The following GAREM1 variants were observed in gnomAD, a reference collection of about 807,000 sequenced individuals.
The protein encoded by GAREM1 is GRB2-associated and regulator of MAPK protein 1.
A neutral mutation model predicts 71.3 loss-of-function variants in GAREM1; 26 were observed. That is an observed-to-expected ratio of 0.36 (90% CI 0.27 to 0.51). The LOEUF (loss-of-function observed/expected upper bound fraction) is 0.51, where lower values mean the gene tolerates loss of function less well. Among genes scored for constraint, GAREM1 ranks in the 20% least tolerant of loss-of-function variants. GAREM1 has a pLI of 0.95. For missense variants in GAREM1, 1,026 were observed against 1,103.1 expected (o/e 0.93, Z 0.99); for synonymous variants, 440 against 433.2 (o/e 1.02, Z -0.20).
At chr18:32,295,712 T>G (rs1432834209) in intron 3 of GAREM1, among the ~76,000 whole-genome samples, 1 of 152,218 alleles carries the variant, frequency 6.6e-6, no homozygotes, top group South Asian at 2.1e-4. Context: ...TTGTTTCCAA[T>G]AGTGAAGTGA....
chr18:32,332,749 G>C lies in GAREM1; in HGVS notation c.263-22426C>G, dbSNP rs572842609. 5.9e-5 allele frequency among the ~76,000 whole-genome samples: 9 copies of C among 152,322 alleles called. No individual in the cohort carries two copies. The East Asian group carries it at 1.7e-3, about 29-fold the overall frequency. On this transcript the variant is annotated intron_variant, in intron 2 of 5. Transcript: ENST00000269209. ...CGGGATTAAACGTAGTAAACCTAGA[G>C]AAGAGTTCAGTGCAGTGCTTGGCAC...
At chr18:32,295,329 T>C (rs1406153507) in intron 3 of GAREM1, among the ~76,000 whole-genome samples, 1 of 152,170 alleles carries the variant, frequency 6.6e-6, no homozygotes, top group African/African-American at 2.4e-5. Context: ...CTCCACATGA[T>C]CATAGTACAC....
chr18:32,318,663 C>A (rs1567962760), intron 2 of GAREM1, among the ~76,000 whole-genome samples: 1 of 152,180 alleles, frequency 6.6e-6, no homozygotes, highest in Non-Finnish European at 1.5e-5. Flanking sequence ...TGGCAGTCAG[C>A]ATGACCTGCG....
At chr18:32,351,723 C>T (rs1438389166) in intron 2 of GAREM1, among the ~76,000 whole-genome samples, 1 of 149,182 alleles carries the variant, frequency 6.7e-6, no homozygotes, top group Non-Finnish European at 1.5e-5. Context: ...TTTACTTACA[C>T]AGACAGAACA....
At chr18:32,320,501 A>G (rs1273946799) in intron 2 of GAREM1, among the ~76,000 whole-genome samples, 1 of 152,202 alleles carries the variant, frequency 6.6e-6, no homozygotes, top group South Asian at 2.1e-4. Flanking sequence ...GGGGTAAGGA[A>G]CAAGTCTCAA....
In GAREM1 at chr18:32,288,080, G is replaced by T. The variant is rs925385479; in HGVS notation, c.517C>A (p.Arg173=). 6.2e-7 allele frequency: 1 copy of T among 1,614,118 alleles called. No individual in the cohort carries two copies. The highest frequency in any genetic ancestry group is 1.3e-5 in the African/African-American group (1 of 75,028). Reference sequence around the variant, plus strand: ...ATCTTTTTGAAGATTGTGTTGAGTCGTGACTTTTCCTTGAATGTCTTTGCA... The same window carrying T: ...ATCTTTTTGAAGATTGTGTTGAGTCTTGACTTTTCCTTGAATGTCTTTGCA... ...LYAKTFKEKS[R]LNTIFKKIGK... The change falls in exon 4 of 6, where the codon CGA becomes AGA. Residue 173 remains arginine (R), a synonymous_variant. Transcript: ENST00000269209.
chr18:32,355,734 G>A (rs1274751249), intron 2 of GAREM1, among the ~76,000 whole-genome samples: 1 of 152,046 alleles, frequency 6.6e-6, no homozygotes, highest in African/African-American at 2.4e-5. Context: ...GTTGACAGGT[G>A]AAAAACATTC....
chr18:32,302,470 T>G (rs962519304), intron 3 of GAREM1, among the ~76,000 whole-genome samples: 6 of 152,198 alleles, frequency 3.9e-5, no homozygotes, highest in Admixed American at 6.5e-5. Flanking sequence ...ATATGATGTT[T>G]TCTCCAATTA....
At chr18:32,463,178 T>C (rs545918603) in intron 1 of GAREM1, among the ~76,000 whole-genome samples, 1 of 152,182 alleles carries the variant, frequency 6.6e-6, no homozygotes, top group Non-Finnish European at 1.5e-5. Flanking sequence ...AAATGCCACA[T>C]TGTACTCCAT....
At chr18:32,457,226 A>AGAGAGTGTGTGTGTGTGT (rs1555648709) in intron 1 of GAREM1, among the ~76,000 whole-genome samples, 1 of 81,926 alleles carries the variant, frequency 1.2e-5, no homozygotes, top group African/African-American at 4.2e-5. Context: ...AGAGAGAGAG[A>AGAGAGTGTGTGTGTGTGT]GTGTGTGTGT....
In GAREM1 at chr18:32,348,214, C is replaced by T. The variant is rs577692261; in HGVS notation, c.263-37891G>A. 2.6e-5 allele frequency among the ~76,000 whole-genome samples: 4 copies of T among 152,256 alleles called. No homozygotes were observed. The East Asian group carries it at 7.7e-4, about 29-fold the overall frequency. On this transcript the variant is annotated intron_variant, in intron 2 of 5. Transcript: ENST00000269209. ...TGAATTGGAATTCAGCAAGTCATTACGCCACTCAATGAGAACAAAGGACAG... is the reference window on the plus strand; with the variant it reads ...TGAATTGGAATTCAGCAAGTCATTATGCCACTCAATGAGAACAAAGGACAG...
intron 2 of GAREM1, among the ~76,000 whole-genome samples, chr18:32,375,701 T>C (rs2048024592): frequency 6.6e-6 from 1 of 152,190 alleles, no homozygotes; most frequent in South Asian, 2.1e-4. Flanking sequence ...TGATTTGGAA[T>C]TGATTCCAAT....
At chr18:32,370,199 G>A (rs1459993814) in intron 2 of GAREM1, among the ~76,000 whole-genome samples, 2 of 152,044 alleles carry the variant, frequency 1.3e-5, no homozygotes, top group Admixed American at 6.5e-5. Context: ...TTGGGGGGCC[G>A]AGGCCGGCGG....
chr18:32,287,421 G>T lies in GAREM1; in HGVS notation c.1176C>A (p.Gly392=). ...SFHRLSVCVY[G]NNLHGNSEVN... The stretch of plus-strand genomic sequence containing the variant: ...CCTCACTGTTGCCATGGAGATTGTT[G>T]CCATACACACAGACCGAGAGTCGGT... Residue 392 remains glycine (G), a synonymous_variant, in exon 4 of 6, where the codon GGC becomes GGA. Coordinates refer to ENST00000269209, the MANE Select transcript of GAREM1 (RefSeq NM_001242409.2). This position sits in a 1 kb window ranked among gnomAD's most constrained non-coding sequence, Gnocchi z 5.9. 1.2e-6 allele frequency: 2 copies of T among 1,614,208 alleles called. No homozygotes were observed. Among genetic ancestry groups the T allele is most frequent in the Non-Finnish European group, 1.7e-6 (2 of 1,180,048 alleles).
intron 1 of GAREM1, among the ~76,000 whole-genome samples, chr18:32,393,657 T>G (rs981391062): frequency 1.3e-5 from 2 of 152,252 alleles, no homozygotes; most frequent in Non-Finnish European, 2.9e-5. Flanking sequence ...CAATTTTCTC[T>G]GGCCTCCTAC....
Position 32,296,286 on chromosome 18 carries a change from AT to A in GAREM1, c.394-8084del, listed in dbSNP as rs2047139031. On this transcript the variant is annotated intron_variant, in intron 3 of 5. Transcript: ENST00000269209. Reference sequence around the variant, plus strand: ...AGCTTTTTATTTGGAATAATCTCAGATTTGCAGAGAAGTTACAAAGGCAGTA... The same window carrying A: ...AGCTTTTTATTTGGAATAATCTCAGATTGCAGAGAAGTTACAAAGGCAGTA... 2.0e-5 allele frequency among the ~76,000 whole-genome samples: 3 copies of A among 152,254 alleles called. No individual in the cohort carries two copies. In the East Asian group the frequency reaches 5.8e-4, roughly 29 times the overall value.
rs138975209 is a variant in GAREM1, at chr18:32,415,572, C to T, written c.122-22537G>A. Among the ~76,000 whole-genome samples the T allele has an allele frequency of 1.2e-4, 18 of 152,128 alleles. No homozygotes were observed. The East Asian group carries it at 2.9e-3, about 24-fold the overall frequency. Reference sequence around the variant, plus strand: ...AGGGATGCAAGCACAGTTCAACACACGGAAATCAATCAATGTGACACATCA... The same window carrying T: ...AGGGATGCAAGCACAGTTCAACACATGGAAATCAATCAATGTGACACATCA... On this transcript the variant is annotated intron_variant, in intron 1 of 5. Transcript: ENST00000269209.
chr18:32,454,709 A>C (rs1255599613), intron 1 of GAREM1, among the ~76,000 whole-genome samples: 1 of 152,238 alleles, frequency 6.6e-6, no homozygotes, highest in African/African-American at 2.4e-5. Flanking sequence ...CTTGAGCAGG[A>C]AGAGGCTGCT....
intron 1 of GAREM1, among the ~76,000 whole-genome samples, chr18:32,414,750 T>C (rs1342260220): frequency 6.6e-6 from 1 of 151,988 alleles, no homozygotes; most frequent in African/African-American, 2.4e-5. Flanking sequence ...TAGCTATAAA[T>C]GCCTATATCA....
Sources: gnomAD v4.1 joint callset for allele counts (sites outside exome capture counted in the v4.1 genomes callset) on GRCh38, gnomAD v4.1.1 for gene constraint, Gnocchi (gnomAD v3.1) non-coding constraint, MANE v1.5 for transcripts, NCBI Gene and HGNC (gene_info 2026-07-23, HGNC 2026-07-21) for gene names.